SORCS1: variants seen among roughly 807,000 people sequenced by gnomAD.
SORCS1 encodes VPS10 domain-containing receptor SorCS1.
In SORCS1, 60 loss-of-function variants were observed where a neutral mutation model predicts 146.1. The observed-to-expected ratio is 0.41, with a 90% CI of 0.33 to 0.51. The LOEUF is 0.51. Among genes scored for constraint, SORCS1 ranks in the 20% least tolerant of loss-of-function variants. The pLI is 0.21. For synonymous variants in SORCS1, 637 were observed against 584.0 expected, an observed-to-expected ratio of 1.09 and a Z score of -1.31; for missense variants, 1,352 against 1,487.6, an observed-to-expected ratio of 0.91 and a Z score of 1.50.
chr10:106,988,308 C>G (rs1445050470), intron 1 of SORCS1, among the ~76,000 whole-genome samples: 1 of 152,136 alleles, frequency 6.6e-6, no homozygotes, highest in Non-Finnish European at 1.5e-5. Flanking sequence ...AGATGTGTAA[C>G]AGAGGAAGGA....
At chr10:106,808,566 G>C (rs1022787601) in intron 3 of SORCS1, among the ~76,000 whole-genome samples, 21 of 152,070 alleles carry the variant, frequency 1.4e-4, no homozygotes, top group Non-Finnish European at 1.5e-5. Flanking sequence ...GCAGTGGCGT[G>C]ATCTCGGCTC....
At chr10:106,876,436 A>G (rs997282764) in intron 2 of SORCS1, among the ~76,000 whole-genome samples, 1 of 152,208 alleles carries the variant, frequency 6.6e-6, no homozygotes, top group African/African-American at 2.4e-5. Context: ...TTCCTCTGAT[A>G]CCTAACCTTA....
intron 1 of SORCS1, among the ~76,000 whole-genome samples, chr10:107,086,751 T>C (rs1246779475): frequency 1.3e-5 from 2 of 152,114 alleles, no homozygotes; most frequent in Non-Finnish European, 2.9e-5. Flanking sequence ...ACCAGACACA[T>C]GGGTTCAGTG....
chr10:106,655,347 T>G (rs1850205062), intron 17 of SORCS1, among the ~76,000 whole-genome samples: 1 of 152,078 alleles, frequency 6.6e-6, no homozygotes, highest in Admixed American at 6.5e-5. Flanking sequence ...TTGTGGCATC[T>G]CAGTGAGTTT....
chr10:106,589,029 C>G (rs966913652), intron 24 of SORCS1, among the ~76,000 whole-genome samples: 2 of 152,208 alleles, frequency 1.3e-5, no homozygotes, highest in Admixed American at 1.3e-4. Context: ...TAGCAGATAT[C>G]TCCCACCCTG....
chr10:106,927,010 C>A (rs547994294), intron 2 of SORCS1, among the ~76,000 whole-genome samples: 2 of 152,010 alleles, frequency 1.3e-5, no homozygotes, highest in Non-Finnish European at 2.9e-5. Flanking sequence ...TACTACATGG[C>A]TCAGAGTTGT....
At chr10:107,173,730 T>A in the SORCS1 span, among the ~76,000 whole-genome samples, 1 of 152,220 alleles carries the variant, frequency 6.6e-6, no homozygotes, top group Non-Finnish European at 1.5e-5. Context: ...TGGCATGAAG[T>A]AAGGTTCAAG....
chr10:106,904,401 C>T (rs1231799790), intron 2 of SORCS1, among the ~76,000 whole-genome samples: 5 of 152,044 alleles, frequency 3.3e-5, no homozygotes, highest in Admixed American at 2.0e-4. Flanking sequence ...AATGGCTCAG[C>T]CCCAAAAGGG....
chr10:106,786,635 G>T (rs1946066247), intron 3 of SORCS1, among the ~76,000 whole-genome samples: 1 of 151,918 alleles, frequency 6.6e-6, no homozygotes, highest in African/African-American at 2.4e-5. Flanking sequence ...GAAAAAAATA[G>T]ACTTCACCTC....
intron 1 of SORCS1, among the ~76,000 whole-genome samples, chr10:107,024,221 G>A (rs914405999): frequency 6.6e-6 from 1 of 151,424 alleles, no homozygotes; most frequent in Admixed American, 6.6e-5. Context: ...TTGGCCCCTG[G>A]TTCTGAAGGG....
At chr10:106,717,190 G>T (rs1855435896) in intron 6 of SORCS1, among the ~76,000 whole-genome samples, 1 of 152,150 alleles carries the variant, frequency 6.6e-6, no homozygotes, top group South Asian at 2.1e-4. Flanking sequence ...AAGCAGAACA[G>T]ATTTTAAAGC....
chr10:106,581,289 A>G (rs554638324), intron 24 of SORCS1, among the ~76,000 whole-genome samples: 2 of 151,728 alleles, frequency 1.3e-5, no homozygotes, highest in South Asian at 4.2e-4. Context: ...TAGTAAATGG[A>G]AGAACCAAGA....
the SORCS1 span, among the ~76,000 whole-genome samples, chr10:107,174,451 AC>A: frequency 4.6e-5 from 7 of 151,876 alleles, no homozygotes; most frequent in South Asian, 1.5e-3. Context: ...CTCGTGATCC[AC>A]CCGTCTCGGC....
intron 2 of SORCS1, among the ~76,000 whole-genome samples, chr10:106,897,407 G>A (rs1951531851): frequency 6.6e-6 from 1 of 152,228 alleles, no homozygotes; most frequent in East Asian, 1.9e-4. Flanking sequence ...ATTTGCTGTT[G>A]CCTTTTAGGA....
chr10:106,592,886 C>A (rs961539692), intron 24 of SORCS1, among the ~76,000 whole-genome samples: 1 of 151,798 alleles, frequency 6.6e-6, no homozygotes, highest in African/African-American at 2.4e-5. Context: ...GCCTGTAATC[C>A]CAGCACTTTG....
At chr10:106,805,201 G>A (rs1194046066) in intron 3 of SORCS1, among the ~76,000 whole-genome samples, 1 of 151,946 alleles carries the variant, frequency 6.6e-6, no homozygotes, top group Admixed American at 6.6e-5. Flanking sequence ...CTAAAATGGT[G>A]TTTAGAGATA....
chr10:107,068,824 C>T lies in SORCS1; in HGVS notation c.558+95145G>A, dbSNP rs972908072. 2.7e-5 allele frequency among the ~76,000 whole-genome samples: 4 copies of T among 147,826 alleles called. No homozygotes were observed. The East Asian group carries it at 8.0e-4, about 30-fold the overall frequency. ...GGCAGAGCTTGCAGTGAGAAGAGATCGTGCCACTGCACTCCAGCCTGGGCA... is the reference window on the plus strand; with the variant it reads ...GGCAGAGCTTGCAGTGAGAAGAGATTGTGCCACTGCACTCCAGCCTGGGCA... On this transcript the variant is annotated intron_variant, in intron 1 of 25. Transcript: ENST00000263054.
chr10:106,807,114 G>C (rs1402265293), intron 3 of SORCS1, among the ~76,000 whole-genome samples: 1 of 151,950 alleles, frequency 6.6e-6, no homozygotes, highest in African/African-American at 2.4e-5. Context: ...TACTTAGCTT[G>C]TACTGCAGTG....
chr10:107,141,246 G>A (rs1358109614), intron 1 of SORCS1, among the ~76,000 whole-genome samples: 1 of 152,134 alleles, frequency 6.6e-6, no homozygotes, highest in Non-Finnish European at 1.5e-5. Context: ...GCAACCCCCT[G>A]GGCTAAGTTT....
Sources: allele counts gnomAD v4.1 joint callset (sites outside exome capture counted in the v4.1 genomes callset), GRCh38; gene constraint gnomAD v4.1.1; transcripts MANE v1.5; gene names NCBI Gene and HGNC (gene_info 2026-07-23, HGNC 2026-07-21).